The following ADK variants were observed in gnomAD, a reference collection of about 807,000 sequenced individuals.
ADK encodes the protein N6,N6-dimethyladenosine kinase.
Under a neutral mutation model 44.7 loss-of-function variants are expected in ADK, and 24 were observed. That is an observed-to-expected ratio of 0.54 (90% CI 0.39 to 0.76). The LOEUF (loss-of-function observed/expected upper bound fraction) is 0.76, where lower values mean the gene tolerates loss of function less well. Ranked by LOEUF, ADK falls within the 30% of genes least tolerant of loss-of-function variation. The pLI, the probability that ADK is intolerant of heterozygous loss-of-function variation, is 0.00. For missense variants in ADK, 321 were observed against 425.1 expected, an observed-to-expected ratio of 0.76 and a Z score of 2.15; for synonymous variants, 128 against 142.6, an observed-to-expected ratio of 0.90 and a Z score of 0.73.
chr10:74,686,630 G>C (rs138218697), intron 10 of ADK, among the ~76,000 whole-genome samples: 2 of 152,154 alleles, frequency 1.3e-5, no homozygotes, highest in East Asian at 3.8e-4. Context: ...CAGACTATGA[G>C]AGAGACTATG....
intron 4 of ADK, among the ~76,000 whole-genome samples, chr10:74,319,425 G>A (rs1472951950): frequency 6.6e-6 from 1 of 152,160 alleles, no homozygotes; most frequent in Non-Finnish European, 1.5e-5. Context: ...GTGTACATAT[G>A]TACCTCTGGA....
intron 6 of ADK, among the ~76,000 whole-genome samples, chr10:74,402,749 A>G (rs1843764357): frequency 6.6e-6 from 1 of 151,828 alleles, no homozygotes; most frequent in South Asian, 2.1e-4. Context: ...TCTTCTCTCA[A>G]CTCGTCAAAG....
At chr10:74,393,092 A>G (rs1038181922) in intron 4 of ADK, among the ~76,000 whole-genome samples, 7 of 152,026 alleles carry the variant, frequency 4.6e-5, no homozygotes, top group African/African-American at 1.7e-4. Context: ...AGCTGTTACT[A>G]TGTCTCATTC....
intron 1 of ADK, among the ~76,000 whole-genome samples, chr10:74,168,821 C>T (rs1427421683): frequency 6.6e-6 from 1 of 151,962 alleles, no homozygotes; most frequent in Non-Finnish European, 1.5e-5. Flanking sequence ...CCACGTTGGT[C>T]AGGCTGGTCT....
intron 3 of ADK, among the ~76,000 whole-genome samples, chr10:74,302,137 T>TAG (rs1564642405): frequency 9.6e-6 from 1 of 103,822 alleles, no homozygotes; most frequent in Admixed American, 1.1e-4. Flanking sequence ...TTTTTTTTTT[T>TAG]TTTTTTTTTG....
chr10:74,384,364 G>A (rs956235807), intron 4 of ADK, among the ~76,000 whole-genome samples: 3 of 151,964 alleles, frequency 2.0e-5, no homozygotes, highest in African/African-American at 2.4e-5. Flanking sequence ...AGTTTGTTGC[G>A]GCAACATAAA....
chr10:74,557,816 G>A (rs1850316981), intron 7 of ADK, among the ~76,000 whole-genome samples: 1 of 152,202 alleles, frequency 6.6e-6, no homozygotes, highest in Admixed American at 6.5e-5. Flanking sequence ...TCAAAAAGGA[G>A]TAAGGTTTTG....
intron 7 of ADK, among the ~76,000 whole-genome samples, chr10:74,584,306 C>T (rs566765893): frequency 2.6e-5 from 4 of 152,232 alleles, no homozygotes; most frequent in African/African-American, 7.2e-5. Flanking sequence ...TCATTTATTC[C>T]TAGCAACAAT....
intron 9 of ADK, among the ~76,000 whole-genome samples, chr10:74,631,233 CGT>C (rs142037822): frequency 3.1e-4 from 46 of 147,328 alleles, no homozygotes; most frequent in African/African-American, 3.0e-4. Context: ...AACCTGTGTG[CGT>C]GTGTGTGTGT....
chr10:74,431,769 T>C (rs1845009011), intron 6 of ADK, among the ~76,000 whole-genome samples: 1 of 147,942 alleles, frequency 6.8e-6, no homozygotes, highest in Non-Finnish European at 1.5e-5. Context: ...ATCAGTAAGA[T>C]ACATTTCACT....
At chr10:74,476,350 G>A (rs1378871740) in intron 6 of ADK, among the ~76,000 whole-genome samples, 6 of 151,940 alleles carry the variant, frequency 3.9e-5, no homozygotes, top group East Asian at 1.9e-4. Context: ...AAAATTAGCC[G>A]GGCGTAGTGA....
intron 7 of ADK, among the ~76,000 whole-genome samples, chr10:74,555,972 T>C (rs1850231928): frequency 6.6e-6 from 1 of 152,168 alleles, no homozygotes; most frequent in South Asian, 2.1e-4. Context: ...ACTTTTTAGG[T>C]CTCTAATAAT....
intron 7 of ADK, among the ~76,000 whole-genome samples, chr10:74,548,071 C>T (rs1486302446): frequency 2.0e-5 from 3 of 152,168 alleles, no homozygotes; most frequent in Admixed American, 6.5e-5. Flanking sequence ...GGATTACAGG[C>T]GTGAGTCACC....
At chr10:74,482,145 T>C (rs1847096393) in intron 6 of ADK, among the ~76,000 whole-genome samples, 1 of 152,152 alleles carries the variant, frequency 6.6e-6, no homozygotes, top group African/African-American at 2.4e-5. Context: ...GACTGGGTAA[T>C]TTATAAAGAA....
chr10:74,455,871 G>C (rs769576599), intron 6 of ADK, among the ~76,000 whole-genome samples: 3 of 152,144 alleles, frequency 2.0e-5, no homozygotes, highest in Non-Finnish European at 4.4e-5. Flanking sequence ...GAGATCTGCT[G>C]TTAGTCCCAT....
intron 4 of ADK, among the ~76,000 whole-genome samples, chr10:74,345,376 C>T (rs1364024595): frequency 6.6e-6 from 1 of 151,912 alleles, no homozygotes; most frequent in Non-Finnish European, 1.5e-5. Context: ...GCAGAGGTTG[C>T]CACTCACTGG....
At chr10:74,621,385 C>T (rs768056493) in intron 9 of ADK, among the ~76,000 whole-genome samples, 6 of 152,104 alleles carry the variant, frequency 3.9e-5, no homozygotes, top group East Asian at 1.9e-4. Flanking sequence ...ACTGTAGATA[C>T]GTGGATTAAT....
At chr10:74,260,704 G>T (rs1030280282) in intron 3 of ADK, among the ~76,000 whole-genome samples, 1 of 152,026 alleles carries the variant, frequency 6.6e-6, no homozygotes, top group Non-Finnish European at 1.5e-5. Context: ...AATAATTCAG[G>T]TAAATTTATA....
chr10:74,514,691 C>T (rs1334726980), intron 6 of ADK, among the ~76,000 whole-genome samples: 1 of 152,056 alleles, frequency 6.6e-6, no homozygotes, highest in Non-Finnish European at 1.5e-5. Context: ...TCGGTATTCT[C>T]TTGTATCTTA....
Sources: allele counts gnomAD v4.1 joint callset (sites outside exome capture counted in the v4.1 genomes callset), GRCh38; gene constraint gnomAD v4.1.1; transcripts MANE v1.5; gene names NCBI Gene and HGNC (gene_info 2026-07-23, HGNC 2026-07-21).